SPAST: variants seen among roughly 807,000 people sequenced by gnomAD.
SPAST encodes the protein spastic paraplegia 4 (autosomal dominant; spastin).
In SPAST, 30 loss-of-function variants were observed where a neutral mutation model predicts 76.6. The ratio of observed to expected loss-of-function variants is 0.39; its 90% CI spans 0.29 to 0.53. SPAST has a LOEUF of 0.53. SPAST is among the 20% of genes least tolerant of loss of function. The pLI is 0.68. For missense variants in SPAST, 717 were observed against 770.5 expected, an observed-to-expected ratio of 0.93 and a Z score of 0.82; for synonymous variants, 305 against 281.0, an observed-to-expected ratio of 1.09 and a Z score of -0.86.
intron 16 of SPAST, 36 bp from the exon 17 acceptor site, chr2:32,154,338 A>G: frequency 6.3e-7 from 1 of 1,590,904 alleles, no homozygotes; most frequent in South Asian, 1.1e-5. Flanking sequence ...ATACCTGTTG[A>G]TCATTTGTAT....
At chr2:32,080,379 G>A (rs1183483984) in intron 1 of SPAST, among the ~76,000 whole-genome samples, 2 of 151,238 alleles carry the variant, frequency 1.3e-5, no homozygotes, top group Admixed American at 1.3e-4. Flanking sequence ...ACAAAAATAG[G>A]CAGCTTACTA....
intron 1 of SPAST, among the ~76,000 whole-genome samples, chr2:32,087,067 C>G (rs1265510922): frequency 6.6e-6 from 1 of 152,080 alleles, no homozygotes; most frequent in Non-Finnish European, 1.5e-5. Flanking sequence ...ATAAAAACTT[C>G]CTCTAGAGAG....
intron 2 of SPAST, among the ~76,000 whole-genome samples, 176 bp from the exon 3 acceptor site, chr2:32,089,346 T>C (rs1467821922): frequency 6.6e-6 from 1 of 151,910 alleles, no homozygotes; most frequent in East Asian, 1.9e-4. Flanking sequence ...CTAAAGATAG[T>C]ATTTTTAAAA....
intron 1 of SPAST, among the ~76,000 whole-genome samples, chr2:32,081,235 G>A (rs1194552721): frequency 6.6e-6 from 1 of 152,076 alleles, no homozygotes; most frequent in East Asian, 1.9e-4. Context: ...GGGATTACAG[G>A]CGTGAGCCAC....
At chr2:32,092,080 A>G (rs1490654176) in intron 3 of SPAST, among the ~76,000 whole-genome samples, 4 of 152,206 alleles carry the variant, frequency 2.6e-5, no homozygotes, top group African/African-American at 9.6e-5. Flanking sequence ...ATTCATAAAC[A>G]CATACATATA....
At chr2:32,090,096 A>G (rs1374009645) in intron 3 of SPAST, among the ~76,000 whole-genome samples, 1 of 152,212 alleles carries the variant, frequency 6.6e-6, no homozygotes, top group Non-Finnish European at 1.5e-5. Flanking sequence ...TTCTTCTCTC[A>G]GCTTTGATAA....
intron 12 of SPAST, among the ~76,000 whole-genome samples, chr2:32,141,358 A>G (rs1679714104): frequency 6.6e-6 from 1 of 152,174 alleles, no homozygotes; most frequent in Non-Finnish European, 1.5e-5. Flanking sequence ...CAGGCTTCAT[A>G]TGCTTGTTTA....
intron 1 of SPAST, among the ~76,000 whole-genome samples, chr2:32,087,256 G>A (rs543297746): frequency 1.3e-5 from 2 of 152,184 alleles, no homozygotes; most frequent in East Asian, 1.9e-4. Flanking sequence ...AATACCATGG[G>A]CTGATAAGCA....
intron 4 of SPAST, among the ~76,000 whole-genome samples, chr2:32,103,487 G>C (rs1403591822): frequency 6.6e-6 from 1 of 152,116 alleles, no homozygotes; most frequent in Admixed American, 6.6e-5. Flanking sequence ...TCTGATCTTA[G>C]TTATTTCTTG....
At chr2:32,135,836 A>G (rs1450106418) in intron 9 of SPAST, among the ~76,000 whole-genome samples, 1 of 152,166 alleles carries the variant, frequency 6.6e-6, no homozygotes, top group East Asian at 1.9e-4. Flanking sequence ...AACATTATTC[A>G]GAAGGAAGAA....
At chr2:32,123,337 A>G (rs1679080771) in intron 7 of SPAST, among the ~76,000 whole-genome samples, 1 of 152,176 alleles carries the variant, frequency 6.6e-6, no homozygotes, top group African/African-American at 2.4e-5. Context: ...AGTTTGTTGT[A>G]GAAGATCTAT....
intron 1 of SPAST, among the ~76,000 whole-genome samples, chr2:32,065,457 A>G (rs1205087862): frequency 2.6e-5 from 4 of 152,190 alleles, no homozygotes; most frequent in African/African-American, 9.7e-5. Context: ...ACTTTGTGAG[A>G]TGAAGGTATT....
intron 1 of SPAST, among the ~76,000 whole-genome samples, chr2:32,086,768 GAAAA>G (rs111545587): frequency 1.3e-5 from 2 of 150,866 alleles, no homozygotes; most frequent in Non-Finnish European, 3.0e-5. Flanking sequence ...AAAAAAAAAA[GAAAA>G]AAAGTCTAAG....
intron 4 of SPAST, among the ~76,000 whole-genome samples, chr2:32,111,139 GTATACTA>G: frequency 8.2e-6 from 1 of 122,428 alleles, no homozygotes; most frequent in African/African-American, 3.1e-5. Context: ...TATATATACA[GTATACTA>G]TATAGTGTGT....
intron 5 of SPAST, 111 bp downstream of exon 5, chr2:32,114,936 GA>G (rs1678769165): frequency 1.3e-6 from 1 of 772,604 alleles, no homozygotes; most frequent in Non-Finnish European, 2.1e-6. Context: ...TTAGAGAATG[GA>G]TAAGTTTCCA....
At position 32,128,488 on chromosome 2, in the gene SPAST, T is replaced by C; in HGVS notation, c.1245+9T>C. On this transcript the variant is annotated intron_variant, in intron 9 of 16. Transcript: ENST00000315285. ...GTTTAACTTCAAAATACGTGAGTGC[T>C]CTGTTTCCAATATTGTCGTATTTTA... The C allele has an allele frequency of 6.4e-7, 1 of 1,565,762 alleles. No individual in the cohort carries two copies. Among genetic ancestry groups the C allele is most frequent in the South Asian group, 1.1e-5 (1 of 90,112 alleles).
intron 16 of SPAST, among the ~76,000 whole-genome samples, chr2:32,152,061 A>G (rs1680102165): frequency 1.3e-5 from 2 of 152,152 alleles, no homozygotes; most frequent in African/African-American, 4.8e-5. Flanking sequence ...TTTTTTAAGT[A>G]CCTTGTGTAT....
intron 1 of SPAST, among the ~76,000 whole-genome samples, chr2:32,077,492 T>C (rs1373762077): frequency 2.6e-5 from 4 of 152,216 alleles, no homozygotes; most frequent in Non-Finnish European, 4.4e-5. Context: ...CCCTATTTTA[T>C]ATGATTTTTG....
chr2:32,115,029 A>G (rs1573119216), intron 5 of SPAST, among the ~76,000 whole-genome samples: 1 of 149,752 alleles, frequency 6.7e-6, no homozygotes, highest in South Asian at 2.1e-4. Flanking sequence ...GCTCATTGCA[A>G]CCTCCGCCTC....
Sources: allele counts gnomAD v4.1 joint callset (sites outside exome capture counted in the v4.1 genomes callset), GRCh38; gene constraint gnomAD v4.1.1; transcripts MANE v1.5; gene names NCBI Gene and HGNC (gene_info 2026-07-23, HGNC 2026-07-21).